The following RNF4 variants were observed in gnomAD, a reference collection of about 807,000 sequenced individuals.
RNF4 encodes the protein E3 ubiquitin-protein ligase RNF4.
A neutral mutation model predicts 24.3 loss-of-function variants in RNF4; 7 were observed. The observed-to-expected ratio is 0.29, with a 90% CI of 0.16 to 0.54. The LOEUF is 0.54. Ranked by LOEUF, RNF4 falls within the 20% of genes least tolerant of loss-of-function variation. The probability of loss-of-function intolerance (pLI) is 0.95; values close to 1 mark genes in which losing one functional copy is unlikely to be tolerated. For synonymous variants in RNF4, 83 were observed against 84.3 expected (o/e 0.98, Z 0.09); for missense variants, 209 against 248.5 (o/e 0.84, Z 1.07).
intron 4 of RNF4, among the ~76,000 whole-genome samples, chr4:2,509,763 A>G (rs886214138): frequency 1.3e-5 from 2 of 152,178 alleles, no homozygotes; most frequent in African/African-American, 4.8e-5. Flanking sequence ...ATAAAGACTC[A>G]GTACGCGCAC....
rs1209216003 is a variant in RNF4 at position 2,514,768 on chromosome 4, TATC to T, written c.*951_*953del. 1 of 152,664 alleles carries T rather than the reference TATC, an allele frequency of 6.6e-6. No homozygotes were observed. The highest frequency in any genetic ancestry group is 1.5e-5 in the Non-Finnish European group (1 of 68,060). 9.5% of individuals were successfully genotyped at this position (152,664 alleles called of 1,614,324 possible). On this transcript the variant is annotated 3_prime_UTR_variant, in exon 8 of 8. Transcript: ENST00000314289. ...GAGGTGGTGGCAGTAATTGTGGCCTTATCAGCCGCTCAGTTCCAGGCTTTTGCC... is the reference window on the plus strand; with the variant it reads ...GAGGTGGTGGCAGTAATTGTGGCCTTAGCCGCTCAGTTCCAGGCTTTTGCC...
intron 3 of RNF4, among the ~76,000 whole-genome samples, chr4:2,500,029 G>A: frequency 6.6e-6 from 1 of 152,046 alleles, no homozygotes; most frequent in South Asian, 2.1e-4. Flanking sequence ...ATGCTGCCAG[G>A]CGCCTGTAAT....
chr4:2,512,447 G>T lies in RNF4; in HGVS notation c.224G>T (p.Arg75Ile). 6.2e-7 allele frequency: 1 copy of T among 1,610,522 alleles called. No homozygotes were observed. The highest frequency in any genetic ancestry group is 8.5e-7 in the Non-Finnish European group (1 of 1,178,390). The change falls in exon 6 of 8, where the codon AGA becomes ATA. Residue 75 changes from arginine (R) to isoleucine (I), a missense_variant. Around this residue, in one of 3 missense-constraint regions of RNF4, gnomAD observed 182 missense variants for 197.2 expected, o/e 0.92. Transcript: ENST00000314289. This position sits in a 1 kb window ranked among gnomAD's most constrained non-coding sequence, Gnocchi z 4.1. ...DSVVIVDERR[R>I]PRRNARRLPQ... ...TGACCTCTTACCTTAGAAAGAAGAA[G>T]ACCAAGGAGGAATGCTAGGAGGCTG...
Position 2,512,647 on chromosome 4 carries a change from A to G in RNF4, c.374+50A>G. 6.3e-7 allele frequency: 1 copy of G among 1,595,518 alleles called. No homozygotes were observed. The highest frequency in any genetic ancestry group is 8.5e-7 in the Non-Finnish European group (1 of 1,169,646). On this transcript the variant is annotated intron_variant, in intron 6 of 7. Coordinates refer to ENST00000314289, the MANE Select transcript of RNF4 (RefSeq NM_002938.5). The surrounding 1 kb of genome is among the most constrained non-coding windows in gnomAD (Gnocchi z 4.1). Reference sequence around the variant, plus strand: ...TGCCGCCATGCTAGGATGTGGGGCCAGGGCATGGGAATACTTTTCAGCAAA... The same window carrying G: ...TGCCGCCATGCTAGGATGTGGGGCCGGGGCATGGGAATACTTTTCAGCAAA...
Position 2,513,729 on chromosome 4 carries a change from G to A in RNF4, c.483G>A (p.Gln161=), listed in dbSNP as rs1736334021. Residue 161 remains glutamine, a synonymous_variant, in exon 8 of 8, where the codon CAG becomes CAA. Coordinates refer to ENST00000314289, the MANE Select transcript of RNF4 (RefSeq NM_002938.5). ...STECGHVFCS[Q]CLRDSLKNAN... ...AATGCGGCCATGTCTTCTGTAGCCA[G>A]TGCCTCCGTGATTCCCTGAAGAATG... is the stretch of plus-strand genomic sequence containing the variant. The A allele has an allele frequency of 2.5e-6, 4 of 1,613,910 alleles. No individual in the cohort carries two copies. Among genetic ancestry groups the A allele is most frequent in the Non-Finnish European group, 3.4e-6 (4 of 1,179,894 alleles).
chr4:2,510,743 CAGCCCCTCCTACGTGCTCAGCAAG>C, intron 4 of RNF4, among the ~76,000 whole-genome samples: 1 of 152,222 alleles, frequency 6.6e-6, no homozygotes, highest in East Asian at 1.9e-4. Flanking sequence ...TTTCCTGAAA[CAGCCCCTCCTACGTGCTCAGCAAG>C]AGGGAAAGGG....
rs550417599 is a variant in RNF4 at position 2,513,003 on chromosome 4, G to T, written c.375-80G>T. On this transcript the variant is annotated intron_variant, in intron 6 of 7. Transcript: ENST00000314289. ...GGCCAGGGACGGGACTCTTGTAGGG[G>T]ATAGGGGCCACTCACGTGACAGGGT... 8 of 1,362,234 alleles carry T rather than the reference G, an allele frequency of 5.9e-6. No homozygotes were observed. In the East Asian group the frequency reaches 1.4e-4, roughly 23 times the overall value. The allele number at this position is 1,362,234 out of a possible 1,614,324, so 84.4% of individuals were successfully genotyped here.
intron 2 of RNF4, among the ~76,000 whole-genome samples, chr4:2,496,118 C>T (rs1408159618): frequency 2.0e-5 from 3 of 152,192 alleles, no homozygotes; most frequent in African/African-American, 7.2e-5. Context: ...TCTTGGGTAG[C>T]CACTGGGAAC....
At chr4:2,473,421 A>T (rs1734969277) in intron 1 of RNF4, among the ~76,000 whole-genome samples, 1 of 152,130 alleles carries the variant, frequency 6.6e-6, no homozygotes, top group Admixed American at 6.6e-5. Flanking sequence ...ACTTGGAAAA[A>T]GTTGATTCTG....
chr4:2,504,638 C>T (rs896489609), intron 4 of RNF4, among the ~76,000 whole-genome samples: 3 of 151,250 alleles, frequency 2.0e-5, no homozygotes, highest in Non-Finnish European at 2.9e-5. Flanking sequence ...GTAAGCTCTG[C>T]CTCCTGGGTT....
chr4:2,474,192 G>A (rs994252019), intron 1 of RNF4, among the ~76,000 whole-genome samples: 10 of 147,674 alleles, frequency 6.8e-5, no homozygotes, highest in African/African-American at 1.5e-4. Flanking sequence ...TGGCTAACAC[G>A]GTGAAACACC....
intron 1 of RNF4, chr4:2,471,075 T>G (rs1208540895): frequency 7.4e-6 from 1 of 134,614 alleles, no homozygotes; most frequent in Non-Finnish European, 1.5e-5. Flanking sequence ...CAAGTGATTC[T>G]CCTGCCTCAG....
At chr4:2,476,065 A>G (rs566010253) in intron 1 of RNF4, among the ~76,000 whole-genome samples, 2 of 152,300 alleles carry the variant, frequency 1.3e-5, no homozygotes, top group East Asian at 3.9e-4. Flanking sequence ...AAGAAAATTT[A>G]TTGATTCTCA....
intron 2 of RNF4, among the ~76,000 whole-genome samples, chr4:2,491,497 C>T (rs577013962): frequency 6.6e-6 from 1 of 152,220 alleles, no homozygotes; most frequent in South Asian, 2.1e-4. Context: ...GGTTGGAGTA[C>T]AGTGGTACCA....
At chr4:2,490,244 T>C (rs1735539828) in intron 1 of RNF4, 93 bp from the exon 2 acceptor site, 1 of 472,080 alleles carries the variant, frequency 2.1e-6, no homozygotes, top group African/African-American at 1.9e-5. Context: ...GCAAATAACC[T>C]AGGGACAGGA....
intron 1 of RNF4, among the ~76,000 whole-genome samples, chr4:2,473,166 G>A (rs1276552989): frequency 6.6e-6 from 1 of 151,940 alleles, no homozygotes; most frequent in African/African-American, 2.4e-5. Context: ...CAGATCACCT[G>A]AGGTCAGGAG....
Position 2,512,998 on chromosome 4 carries a change from T to A in RNF4, c.375-85T>A. On this transcript the variant is annotated intron_variant, in intron 6 of 7. Coordinates refer to ENST00000314289, the MANE Select transcript of RNF4 (RefSeq NM_002938.5). This position sits in a 1 kb window ranked among gnomAD's most constrained non-coding sequence, Gnocchi z 4.1. ...CAGGAGGCCAGGGACGGGACTCTTG[T>A]AGGGGATAGGGGCCACTCACGTGAC... The A allele has an allele frequency of 2.3e-6, 3 of 1,314,088 alleles. No individual in the cohort carries two copies. The highest frequency in any genetic ancestry group is 2.4e-5 in the South Asian group (2 of 84,658). The allele number at this position is 1,314,088 out of a possible 1,614,324, so 81.4% of individuals were successfully genotyped here.
intron 1 of RNF4, chr4:2,470,184 G>A (rs1053323951): frequency 6.6e-6 from 1 of 152,234 alleles, no homozygotes; most frequent in South Asian, 2.1e-4. Context: ...CTGTCCAACT[G>A]ACTGGGGAGA....
At chr4:2,500,908 A>G (rs936264723) in intron 4 of RNF4, among the ~76,000 whole-genome samples, 170 bp downstream of exon 4, 1 of 152,126 alleles carries the variant, frequency 6.6e-6, no homozygotes, top group Admixed American at 6.5e-5. Flanking sequence ...CAGTAACAAT[A>G]ATAATAACAA....
Sources: allele counts gnomAD v4.1 joint callset (sites outside exome capture counted in the v4.1 genomes callset), GRCh38; gene constraint gnomAD v4.1.1; regional missense constraint gnomAD v4.1.1; non-coding constraint Gnocchi (gnomAD v3.1); transcripts MANE v1.5; gene names NCBI Gene and HGNC (gene_info 2026-07-23, HGNC 2026-07-21).